C12orf76: variants seen among roughly 807,000 people sequenced by gnomAD.
The protein encoded by C12orf76 is chromosome 12 open reading frame 76.
Under a neutral mutation model 6.8 loss-of-function variants are expected in C12orf76, and 6 were observed. The ratio of observed to expected loss-of-function variants is 0.88; its 90% confidence interval spans 0.48 to 1.73. The LOEUF (loss-of-function observed/expected upper bound fraction) is 1.73. Ranked by LOEUF, C12orf76 falls within the 40% of genes most tolerant of loss-of-function variation. The pLI is 0.01. For missense variants in C12orf76, 99 were observed against 98.2 expected (o/e 1.01, Z -0.03); for synonymous variants, 56 against 43.7 (o/e 1.28, Z -1.11).
intron 1 of C12orf76, chr12:110,044,276 G>T (rs1416658334): frequency 6.6e-6 from 1 of 152,226 alleles, no homozygotes; most frequent in African/African-American, 2.4e-5. Context: ...GCCAGGCAAG[G>T]GGGCTCATGC....
chr12:110,060,022 C>T (rs180671884), intron 2 of C12orf76, among the ~76,000 whole-genome samples: 5 of 152,284 alleles, frequency 3.3e-5, no homozygotes, highest in African/African-American at 1.2e-4. Context: ...TTCCCTTTCT[C>T]TCCTGTCCCC....
chr12:110,056,303 A>G (rs1365146353), intron 4 of C12orf76, among the ~76,000 whole-genome samples: 1 of 152,166 alleles, frequency 6.6e-6, no homozygotes, highest in Non-Finnish European at 1.5e-5. Flanking sequence ...TTAATCCCTG[A>G]ATGAAGAGAG....
At chr12:110,065,247 T>A (rs571778368) in intron 2 of C12orf76, among the ~76,000 whole-genome samples, 194 of 151,998 alleles carry the variant, frequency 1.3e-3, no homozygotes, top group African/African-American at 4.5e-3. Flanking sequence ...CTCGGCTCGC[T>A]GCAACCTCCG....
intron 2 of C12orf76, among the ~76,000 whole-genome samples, chr12:110,060,583 G>A (rs1348410983): frequency 6.6e-6 from 1 of 152,056 alleles, no homozygotes; most frequent in Non-Finnish European, 1.5e-5. Flanking sequence ...CTCCTTCTCA[G>A]AATCCTTTGG....
intron 1 of C12orf76, among the ~76,000 whole-genome samples, chr12:110,066,612 C>A (rs750314396): frequency 6.6e-6 from 1 of 151,854 alleles, no homozygotes; most frequent in Non-Finnish European, 1.5e-5. Flanking sequence ...CGCTTGAACC[C>A]GGGAGGCGGA....
chr12:110,052,535 G>A (rs920400621), upstream of C12orf76, among the ~76,000 whole-genome samples: 3 of 152,164 alleles, frequency 2.0e-5, no homozygotes, highest in African/African-American at 7.2e-5. Context: ...TACGTGCCAA[G>A]TGCTCTACAT....
chr12:110,043,567 T>C (rs1278384864), intron 1 of C12orf76, among the ~76,000 whole-genome samples: 1 of 152,098 alleles, frequency 6.6e-6, no homozygotes, highest in Non-Finnish European at 1.5e-5. Context: ...AAATCTGCTA[T>C]GTTTGGCTGG....
exon 4 of C12orf76, chr12:110,057,256 G>T (rs1487583502): frequency 6.2e-7 from 1 of 1,613,924 alleles, no homozygotes; most frequent in Non-Finnish European, 8.5e-7. Context: ...TCTGCAGGGA[G>T]GATGTGCCTT....
chr12:110,045,725 G>A (rs1174966342), intron 1 of C12orf76, among the ~76,000 whole-genome samples: 4 of 151,150 alleles, frequency 2.6e-5, no homozygotes, highest in South Asian at 2.1e-4. Context: ...TTGGGAGGCC[G>A]AGATGGGCAG....
chr12:110,051,133 C>T, upstream of C12orf76: 1 of 780,616 alleles, frequency 1.3e-6, no homozygotes, highest in Non-Finnish European at 2.4e-6. Flanking sequence ...AGGCTCTTTC[C>T]ACTGGTACAG....
intron 4 of C12orf76, among the ~76,000 whole-genome samples, chr12:110,056,445 C>T (rs1018333499): frequency 2.0e-5 from 3 of 151,882 alleles, no homozygotes; most frequent in Non-Finnish European, 1.5e-5. Flanking sequence ...TTTACTGGGC[C>T]GGGGAGGATG....
At chr12:110,043,012 G>A (rs926334840) in intron 1 of C12orf76, among the ~76,000 whole-genome samples, 10 of 151,880 alleles carry the variant, frequency 6.6e-5, no homozygotes, top group Non-Finnish European at 1.0e-4. Context: ...CCCGAGAGGC[G>A]GAGGTTACAG....
chr12:110,057,392 A>T, intron 3 of C12orf76: 1 of 778,394 alleles, frequency 1.3e-6, no homozygotes, highest in Non-Finnish European at 2.2e-6. Flanking sequence ...GGGCCAACAG[A>T]CATCTTCATG....
At chr12:110,068,293 AAG>A (rs1448546635), upstream of C12orf76, among the ~76,000 whole-genome samples, 10 of 145,542 alleles carry the variant, frequency 6.9e-5, no homozygotes, top group Non-Finnish European at 1.4e-4. Flanking sequence ...GAAGAAGAAG[AAG>A]AAGAAGAAGA....
upstream of C12orf76, among the ~76,000 whole-genome samples, chr12:110,068,940 A>G (rs1363655811): frequency 6.6e-6 from 1 of 152,216 alleles, no homozygotes; most frequent in Non-Finnish European, 1.5e-5. Context: ...CATAAACTTA[A>G]GGCTTCACAC....
At chr12:110,053,448 G>A (rs1028872148), upstream of C12orf76, among the ~76,000 whole-genome samples, 4 of 152,136 alleles carry the variant, frequency 2.6e-5, no homozygotes, top group African/African-American at 7.2e-5. Flanking sequence ...GCAGTGAACC[G>A]AGATTGCACC....
intron 2 of C12orf76, among the ~76,000 whole-genome samples, chr12:110,064,163 C>T (rs780996322): frequency 2.6e-5 from 4 of 152,160 alleles, no homozygotes; most frequent in Non-Finnish European, 4.4e-5. Context: ...AAGGGATCCC[C>T]TATTGTATGG....
intron 1 of C12orf76, among the ~76,000 whole-genome samples, chr12:110,045,224 T>C (rs1205023278): frequency 1.3e-5 from 2 of 152,332 alleles, no homozygotes; most frequent in East Asian, 1.9e-4. Context: ...TGGACTACAA[T>C]TGGACTTAAA....
chr12:110,059,578 C>A (rs1356961289), intron 2 of C12orf76, among the ~76,000 whole-genome samples: 1 of 152,232 alleles, frequency 6.6e-6, no homozygotes, highest in African/African-American at 2.4e-5. Flanking sequence ...CTATACAGGA[C>A]TTCTGGGTCA....
Sources: gnomAD v4.1 joint callset for allele counts (sites outside exome capture counted in the v4.1 genomes callset) on GRCh38, gnomAD v4.1.1 for gene constraint, MANE v1.5 for transcripts, NCBI Gene and HGNC (gene_info 2026-07-23, HGNC 2026-07-21) for gene names.